B3GLCT: variants seen among roughly 807,000 people sequenced by gnomAD.
B3GLCT encodes beta 3-glucosyltransferase, also known as beta-1,3-glucosyltransferase.
B3GLCT carries 65 observed loss-of-function variants against 63.4 expected under a neutral mutation model. The observed-to-expected ratio is 1.03, with a 90% CI of 0.84 to 1.26. The LOEUF is 1.26. Ranked by LOEUF, B3GLCT falls within the 50% of genes most tolerant of loss-of-function variation. The pLI, the probability that B3GLCT is intolerant of heterozygous loss-of-function variation, is 0.00. For synonymous variants in B3GLCT, 233 were observed against 219.2 expected (o/e 1.06, Z -0.55); for missense variants, 577 against 604.8 (o/e 0.95, Z 0.48).
intron 13 of B3GLCT, among the ~76,000 whole-genome samples, chr13:31,321,542 G>GCA (rs1216973383): frequency 1.3e-5 from 2 of 152,218 alleles, no homozygotes; most frequent in African/African-American, 2.4e-5. Flanking sequence ...ACATACCCAT[G>GCA]CACACTCACA....
intron 13 of B3GLCT, among the ~76,000 whole-genome samples, chr13:31,322,658 AAT>A (rs1875388105): frequency 6.6e-6 from 1 of 152,194 alleles, no homozygotes; most frequent in African/African-American, 2.4e-5. Flanking sequence ...AAAAGTATAA[AAT>A]AATTACATAT....
intron 10 of B3GLCT, among the ~76,000 whole-genome samples, chr13:31,278,298 T>A (rs1247348775): frequency 6.6e-6 from 1 of 152,232 alleles, no homozygotes; most frequent in Admixed American, 6.5e-5. Context: ...TAATTTTGAT[T>A]TAGTAATTTT....
intron 1 of B3GLCT, among the ~76,000 whole-genome samples, chr13:31,209,380 C>A (rs1869145823): frequency 6.6e-6 from 1 of 152,156 alleles, no homozygotes; most frequent in African/African-American, 2.4e-5. Context: ...CCCTGGAGGA[C>A]CTGGAATTAA....
At chr13:31,236,773 G>GT (rs1032575162) in intron 4 of B3GLCT, among the ~76,000 whole-genome samples, 5 of 152,256 alleles carry the variant, frequency 3.3e-5, no homozygotes, top group African/African-American at 1.2e-4. Flanking sequence ...CTTTTACAGA[G>GT]TTTTTTATGC....
intron 1 of B3GLCT, 45 bp from the exon 2 acceptor site, chr13:31,215,006 T>C: frequency 6.6e-7 from 1 of 1,517,296 alleles, no homozygotes; most frequent in South Asian, 1.2e-5. Flanking sequence ...TTAACCTGAA[T>C]TGCTAATTCT....
chr13:31,266,209 A>G (rs865950859), intron 7 of B3GLCT, among the ~76,000 whole-genome samples: 10 of 152,046 alleles, frequency 6.6e-5, no homozygotes, highest in Admixed American at 2.0e-4. Context: ...CGTGTTAGCC[A>G]GGATGGCCTC....
intron 14 of B3GLCT, 102 bp downstream of exon 14, chr13:31,323,997 T>A: frequency 7.0e-7 from 1 of 1,426,728 alleles, no homozygotes; most frequent in Non-Finnish European, 9.9e-7. Context: ...GGAAACAGAC[T>A]AAGAACTGTG....
intron 1 of B3GLCT, among the ~76,000 whole-genome samples, chr13:31,201,681 A>G (rs935923754): frequency 1.5e-4 from 23 of 152,222 alleles, no homozygotes; most frequent in African/African-American, 5.3e-4. Flanking sequence ...TACTGGGGGT[A>G]TAATATTTGT....
intron 2 of B3GLCT, among the ~76,000 whole-genome samples, chr13:31,217,813 A>G (rs1016253820): frequency 6.6e-6 from 1 of 152,220 alleles, no homozygotes; most frequent in Non-Finnish European, 1.5e-5. Flanking sequence ...TAGAAGTACC[A>G]TGCTGTTTGG....
chr13:31,328,452 G>A (rs1469630599), intron 14 of B3GLCT, among the ~76,000 whole-genome samples: 1 of 152,048 alleles, frequency 6.6e-6, no homozygotes, highest in East Asian at 1.9e-4. Flanking sequence ...TCAGCACTTT[G>A]GGAGGCCAAG....
At chr13:31,284,879 G>A (rs950078047) in intron 11 of B3GLCT, 118 bp downstream of exon 11, 12 of 714,808 alleles carry the variant, frequency 1.7e-5, no homozygotes, top group African/African-American at 1.4e-4. Flanking sequence ...CCTCATATTA[G>A]TTTTTTCCCT....
At chr13:31,237,662 G>C (rs1403193414) in intron 4 of B3GLCT, among the ~76,000 whole-genome samples, 1 of 152,148 alleles carries the variant, frequency 6.6e-6, no homozygotes, top group Non-Finnish European at 1.5e-5. Context: ...GTCTACTGGA[G>C]GCTGTTTTAA....
chr13:31,279,187 C>T (rs1395375881), intron 10 of B3GLCT, among the ~76,000 whole-genome samples: 1 of 152,086 alleles, frequency 6.6e-6, no homozygotes, highest in Non-Finnish European at 1.5e-5. Flanking sequence ...TTGAAACCCA[C>T]ACAGGATCTA....
At position 31,287,677 on chromosome 13, in the gene B3GLCT, AT is replaced by A. The variant is rs36029132; in HGVS notation, c.1064+860del. 3.6e-3 allele frequency among the ~76,000 whole-genome samples: 554 copies of A among 152,258 alleles called. 11 individuals are homozygous for A. The highest frequency in any genetic ancestry group is 0.029 in the East Asian group (152 of 5,184). On this transcript the variant is annotated intron_variant, in intron 12 of 14. Coordinates refer to ENST00000343307, the MANE Select transcript of B3GLCT (RefSeq NM_194318.4). Reference sequence around the variant, plus strand: ...CAGGAAAATACAGAAGTGAAAAAAAATTAGCTTATTGAAATGGTTTCAGAAT... The same window carrying A: ...CAGGAAAATACAGAAGTGAAAAAAAATAGCTTATTGAAATGGTTTCAGAAT...
chr13:31,244,749 G>A (rs1871117057), intron 4 of B3GLCT, among the ~76,000 whole-genome samples: 1 of 151,964 alleles, frequency 6.6e-6, no homozygotes, highest in South Asian at 2.1e-4. Context: ...ATATATATAT[G>A]TGTATATATG....
At chr13:31,280,534 C>T (rs926242689) in intron 10 of B3GLCT, among the ~76,000 whole-genome samples, 2 of 152,152 alleles carry the variant, frequency 1.3e-5, no homozygotes, top group East Asian at 1.9e-4. Context: ...TGATGGCCCC[C>T]ACTCCTGCTT....
intron 2 of B3GLCT, among the ~76,000 whole-genome samples, chr13:31,217,218 A>G (rs1869606305): frequency 6.6e-6 from 1 of 152,046 alleles, no homozygotes; most frequent in Admixed American, 6.6e-5. Context: ...CATTTTTTTC[A>G]TATGCTTGTT....
intron 1 of B3GLCT, among the ~76,000 whole-genome samples, chr13:31,201,394 GC>G (rs1303160694): frequency 6.6e-6 from 1 of 152,188 alleles, no homozygotes; most frequent in Non-Finnish European, 1.5e-5. Context: ...GATTAATTAG[GC>G]AGCAGTGTAA....
At chr13:31,313,068 T>G (rs1874805587) in intron 12 of B3GLCT, 1 of 152,232 alleles carries the variant, frequency 6.6e-6, no homozygotes, top group Non-Finnish European at 1.5e-5. Context: ...TTGTCACTGG[T>G]CAGAGTTTCT....
Sources: allele counts gnomAD v4.1 joint callset (sites outside exome capture counted in the v4.1 genomes callset), GRCh38; gene constraint gnomAD v4.1.1; transcripts MANE v1.5; gene names NCBI Gene and HGNC (gene_info 2026-07-23, HGNC 2026-07-21).